The following DAW1 variants were observed in gnomAD, a reference collection of about 807,000 sequenced individuals.
The protein encoded by DAW1 is dynein assembly factor with WD repeat domains 1.
In DAW1, 47 loss-of-function variants were observed where a neutral mutation model predicts 56.5. The observed-to-expected ratio is 0.83, with a 90% CI of 0.66 to 1.06. The LOEUF (loss-of-function observed/expected upper bound fraction) is 1.06. DAW1 is among the 50% of genes least tolerant of loss of function. DAW1 has a pLI of 0.00. For missense variants in DAW1, 505 were observed against 499.3 expected, an observed-to-expected ratio of 1.01 and a Z score of -0.11; for synonymous variants, 190 against 179.0, an observed-to-expected ratio of 1.06 and a Z score of -0.49.
chr2:227,892,299 A>AT (rs1691283929), intron 4 of DAW1, among the ~76,000 whole-genome samples: 1 of 151,510 alleles, frequency 6.6e-6, no homozygotes, highest in Non-Finnish European at 1.5e-5. Flanking sequence ...CGCCCAGCTA[A>AT]TTTTTTGTAT....
rs761032249 is a variant in DAW1, at chr2:227,905,011, T to C, written c.731T>C (p.Val244Ala). The C allele has an allele frequency of 9.2e-5, 148 of 1,613,378 alleles. No individual in the cohort carries two copies. Among genetic ancestry groups the C allele is most frequent in the Non-Finnish European group, 1.2e-4 (144 of 1,179,572 alleles). Residue 244 changes from valine to alanine, a missense_variant, in exon 8 of 13, where the codon GTA (valine) becomes GCA (alanine). Val to Ala is a moderately conservative substitution (Grantham distance 64). Transcript: ENST00000309931. The stretch of plus-strand genomic sequence containing the variant: ...ACGGGGTCTTTTGATCATACCGTTG[T>C]AGTGTGGGACGCTGATACTGGAAGG... ...IITGSFDHTV[V>A]VWDADTGRKV...
At position 227,917,840 on chromosome 2, in the gene DAW1, G is replaced by A. The variant is rs977599802; in HGVS notation, c.974-940G>A. On this transcript the variant is annotated intron_variant, in intron 10 of 12. Coordinates refer to ENST00000309931, the MANE Select transcript of DAW1 (RefSeq NM_178821.3). Reference sequence around the variant, plus strand: ...GTCATTTTTTGTACCTCCTCATGAAGTTGACATTGTCAGAAAGGCAAGTAA... The same window carrying A: ...GTCATTTTTTGTACCTCCTCATGAAATTGACATTGTCAGAAAGGCAAGTAA... Among the ~76,000 whole-genome samples the A allele has an allele frequency of 2.0e-5, 3 of 152,174 alleles. No homozygotes were observed. The South Asian group carries it at 6.2e-4, about 32-fold the overall frequency.
In DAW1 at chr2:227,893,812, A is replaced by G. The variant is rs1400883344; in HGVS notation, c.335A>G (p.Tyr112Cys). Residue 112 changes from tyrosine to cysteine, a missense_variant, in exon 5 of 13, where the codon TAT becomes TGT. Tyr to Cys is a radical substitution (Grantham distance 194). Transcript: ENST00000309931. ...KSGSCFITGS[Y>C]DRTCKLWDTA... is the part of the protein sequence containing the mutation. ...TGTGTTAGCTTTATCACAGGAAGCT[A>G]TGATCGGACGTGCAAGCTCTGGGAC... is the stretch of plus-strand genomic sequence containing the variant. 3 of 1,612,800 alleles carry G rather than the reference A, an allele frequency of 1.9e-6. No homozygotes were observed. Among genetic ancestry groups the G allele is most frequent in the Non-Finnish European group, 2.5e-6 (3 of 1,179,592 alleles).
chr2:227,906,994 C>G (rs1424001277), intron 9 of DAW1, 144 bp from the exon 10 acceptor site: 15 of 563,830 alleles, frequency 2.7e-5, no homozygotes, highest in Non-Finnish European at 4.6e-5. Context: ...GTAAATCTAA[C>G]TGAACATGCA....
intron 4 of DAW1, 84 bp downstream of exon 4, chr2:227,891,397 C>A (rs780945061): frequency 2.2e-5 from 25 of 1,160,024 alleles, no homozygotes; most frequent in Non-Finnish European, 3.1e-5. Flanking sequence ...TAGATAAGTA[C>A]ATAATATATT....
chr2:227,919,202 A>G (rs945760580), intron 11 of DAW1, among the ~76,000 whole-genome samples: 1 of 60,448 alleles, frequency 1.7e-5, no homozygotes, highest in Admixed American at 2.3e-4. Context: ...TCTAGAAAAA[A>G]AAAAAAGAAA....
At position 227,871,637 on chromosome 2, in the gene DAW1, T is replaced by C. The variant is rs560465974; in HGVS notation, c.-53T>C. On this transcript the variant is annotated 5_prime_UTR_variant, in exon 1 of 13. Transcript: ENST00000309931. ...TGCGCACCCGCGTCCCGCTGCTGTTTAGCCGTTTCCAAGGCTACGAAGCCC... is the reference window on the plus strand; with the variant it reads ...TGCGCACCCGCGTCCCGCTGCTGTTCAGCCGTTTCCAAGGCTACGAAGCCC... 52 of 1,600,886 alleles carry C rather than the reference T, an allele frequency of 3.2e-5. No homozygotes were observed. Among genetic ancestry groups the C allele is most frequent in the Non-Finnish European group, 4.2e-5 (49 of 1,173,644 alleles).
chr2:227,871,763 G>A (rs1230385626), intron 1 of DAW1, 34 bp downstream of exon 1: 4 of 1,612,716 alleles, frequency 2.5e-6, no homozygotes, highest in African/African-American at 1.3e-5. Context: ...ATCCCCACGT[G>A]GGACCCTGGG....
intron 6 of DAW1, among the ~76,000 whole-genome samples, chr2:227,899,973 TC>T: frequency 6.6e-6 from 1 of 152,312 alleles, no homozygotes; most frequent in South Asian, 2.1e-4. Context: ...TTATTTACAC[TC>T]ATCCTAAAAA....
At chr2:227,883,801 A>G (rs1283708033) in intron 1 of DAW1, among the ~76,000 whole-genome samples, 1 of 152,256 alleles carries the variant, frequency 6.6e-6, no homozygotes, top group Non-Finnish European at 1.5e-5. Flanking sequence ...GCAAGAAAAT[A>G]TAGTTATTTT....
At chr2:227,884,974 G>A (rs1445133905) in intron 1 of DAW1, among the ~76,000 whole-genome samples, 1 of 152,178 alleles carries the variant, frequency 6.6e-6, no homozygotes, top group African/African-American at 2.4e-5. Flanking sequence ...CCATTTGTGG[G>A]TCAGGGAATA....
At chr2:227,909,434 C>T (rs1022895535) in intron 10 of DAW1, among the ~76,000 whole-genome samples, 2 of 147,558 alleles carry the variant, frequency 1.4e-5, no homozygotes, top group Non-Finnish European at 3.0e-5. Flanking sequence ...TAGTATATAA[C>T]CAATAGTATA....
intron 1 of DAW1, 123 bp downstream of exon 1, chr2:227,871,852 T>A: frequency 3.9e-6 from 5 of 1,291,898 alleles, no homozygotes; most frequent in Non-Finnish European, 5.4e-6. Flanking sequence ...GGGCAGGAAG[T>A]CGGGCACTTC....
At chr2:227,896,286 C>T (rs927332171) in intron 5 of DAW1, among the ~76,000 whole-genome samples, 1 of 152,146 alleles carries the variant, frequency 6.6e-6, no homozygotes, top group African/African-American at 2.4e-5. Context: ...CCTACTTTCA[C>T]TGCAATGCTA....
chr2:227,918,926 G>A, intron 11 of DAW1, 70 bp downstream of exon 11: 10 of 1,434,720 alleles, frequency 7.0e-6, no homozygotes, highest in African/African-American at 1.4e-5. Context: ...CAGGTGCAGT[G>A]CCTCACACCT....
At chr2:227,918,190 TC>T (rs749394489) in intron 10 of DAW1, among the ~76,000 whole-genome samples, 4 of 122,910 alleles carry the variant, frequency 3.3e-5, no homozygotes, top group South Asian at 2.7e-4. Flanking sequence ...CATCCATCCA[TC>T]CATCCATCCA....
chr2:227,912,110 C>T (rs1431344324), intron 10 of DAW1: 4 of 355,192 alleles, frequency 1.1e-5, no homozygotes, highest in Non-Finnish European at 2.2e-5. Context: ...CCATACCATA[C>T]CATACTATAC....
chr2:227,905,544 A>T (rs1691657582), intron 8 of DAW1, among the ~76,000 whole-genome samples: 1 of 152,204 alleles, frequency 6.6e-6, no homozygotes, highest in Non-Finnish European at 1.5e-5. Flanking sequence ...GCCAACCAAG[A>T]TGTATGCAAC....
rs1692114295 is a variant in DAW1 at position 227,921,637 on chromosome 2, G to T, written c.1213+76G>T. 1.3e-5 allele frequency: 19 copies of T among 1,470,898 alleles called. No individual in the cohort carries two copies. The East Asian group carries it at 3.9e-4, about 30-fold the overall frequency. The allele number at this position is 1,470,898 out of a possible 1,614,324, so 91.1% of individuals were successfully genotyped here. On this transcript the variant is annotated intron_variant, in intron 12 of 12. Transcript: ENST00000309931. ...GAGTTCCCAAGCTGAATACTAACAG[G>T]AGTTCATCCCCATTCCCTACCTCTT...
Sources: gnomAD v4.1 joint callset for allele counts (sites outside exome capture counted in the v4.1 genomes callset) on GRCh38, gnomAD v4.1.1 for gene constraint, MANE v1.5 for transcripts, NCBI Gene and HGNC (gene_info 2026-07-23, HGNC 2026-07-21) for gene names.